The following CNTNAP2 variants were observed in gnomAD, a reference collection of about 807,000 sequenced individuals.
CNTNAP2 encodes contactin-associated protein-like 2.
Under a neutral mutation model 155.2 loss-of-function variants are expected in CNTNAP2, and 98 were observed. The observed-to-expected ratio is 0.63, with a 90% CI of 0.54 to 0.75. The LOEUF (loss-of-function observed/expected upper bound fraction) is 0.75. Ranked by LOEUF, CNTNAP2 falls within the 30% of genes least tolerant of loss-of-function variation. The pLI, the probability that CNTNAP2 is intolerant of heterozygous loss-of-function variation, is 0.00. For missense variants in CNTNAP2, 1,727 were observed against 1,688.1 expected (o/e 1.02, Z -0.40); for synonymous variants, 651 against 631.2 (o/e 1.03, Z -0.47).
At chr7:148,308,968 T>G (rs7792337) in intron 21 of CNTNAP2, among the ~76,000 whole-genome samples, 147,151 of 152,256 alleles carry the variant, frequency 0.97, 71,309 homozygotes, top group East Asian at 1. Flanking sequence ...TCTTTATCCA[T>G]TCTATCATTG....
chr7:146,153,266 A>C (rs1383219619), intron 1 of CNTNAP2, among the ~76,000 whole-genome samples: 1 of 152,168 alleles, frequency 6.6e-6, no homozygotes, highest in Admixed American at 6.6e-5. Context: ...AAAACTAATT[A>C]TCGAGTACAG....
chr7:148,249,826 C>T lies in CNTNAP2; in HGVS notation c.3382-17207C>T, dbSNP rs1267639584. Among the ~76,000 whole-genome samples the T allele has an allele frequency of 4.6e-5, 7 of 152,208 alleles. No homozygotes were observed. In the East Asian group the frequency reaches 9.6e-4, roughly 21 times the overall value. On this transcript the variant is annotated intron_variant, in intron 20 of 23. Coordinates refer to ENST00000361727, the MANE Select transcript of CNTNAP2 (RefSeq NM_014141.6). Reference sequence around the variant, plus strand: ...TACCCTGAAAACATCCAAATTCTGACCAGCCTCCCACCTTGCACATCTGCT... The same window carrying T: ...TACCCTGAAAACATCCAAATTCTGATCAGCCTCCCACCTTGCACATCTGCT...
chr7:146,918,773 T>G (rs895464465), intron 3 of CNTNAP2, among the ~76,000 whole-genome samples: 1 of 152,238 alleles, frequency 6.6e-6, no homozygotes, highest in Non-Finnish European at 1.5e-5. Flanking sequence ...CTCAAATATG[T>G]TTTCCAAACT....
chr7:146,165,116 C>G (rs1006165338), intron 1 of CNTNAP2, among the ~76,000 whole-genome samples: 4 of 152,104 alleles, frequency 2.6e-5, no homozygotes, highest in African/African-American at 9.7e-5. Context: ...GTAGAAAAAT[C>G]TACTGTGATT....
chr7:147,384,429 C>G (rs1796593851), intron 9 of CNTNAP2, among the ~76,000 whole-genome samples: 1 of 152,014 alleles, frequency 6.6e-6, no homozygotes, highest in Admixed American at 6.6e-5. Flanking sequence ...CCTAAATCTG[C>G]CTAAAAGAGA....
chr7:146,958,422 T>G (rs1173204306), intron 3 of CNTNAP2, among the ~76,000 whole-genome samples: 1,957 of 142,358 alleles, frequency 0.014, 60 homozygotes, highest in African/African-American at 0.047. Flanking sequence ...TTTTTTTTTT[T>G]TTTTTTTTTG....
chr7:146,951,774 C>T (rs376206325), intron 3 of CNTNAP2, among the ~76,000 whole-genome samples: 60 of 152,126 alleles, frequency 3.9e-4, no homozygotes, highest in Middle Eastern at 3.4e-3. Flanking sequence ...CTTGACTATA[C>T]GGGCTCTTTT....
intron 1 of CNTNAP2, among the ~76,000 whole-genome samples, chr7:146,479,632 T>G (rs990855620): frequency 6.6e-6 from 1 of 152,008 alleles, no homozygotes; most frequent in Non-Finnish European, 1.5e-5. Context: ...TTTATCAACT[T>G]TATAAACAAA....
chr7:148,018,005 T>C (rs1802209961), intron 15 of CNTNAP2, among the ~76,000 whole-genome samples: 1 of 152,200 alleles, frequency 6.6e-6, no homozygotes, highest in Non-Finnish European at 1.5e-5. Context: ...CGCTTTCTGT[T>C]AAAACTCGCC....
chr7:147,238,973 C>G (rs926468013), intron 8 of CNTNAP2, among the ~76,000 whole-genome samples: 2 of 152,086 alleles, frequency 1.3e-5, no homozygotes, highest in Non-Finnish European at 2.9e-5. Context: ...AGCAACTAAA[C>G]TATACTAAAT....
intron 1 of CNTNAP2, among the ~76,000 whole-genome samples, chr7:146,696,600 T>C (rs1800786290): frequency 6.6e-6 from 1 of 152,130 alleles, no homozygotes; most frequent in African/African-American, 2.4e-5. Context: ...TTTCTCACTT[T>C]CTAAAGCAGA....
chr7:148,352,287 T>C (rs1352996244), intron 21 of CNTNAP2, among the ~76,000 whole-genome samples: 7 of 152,298 alleles, frequency 4.6e-5, no homozygotes, highest in African/African-American at 1.7e-4. Context: ...GAAGATCATT[T>C]AGGAAGCTGT....
intron 21 of CNTNAP2, among the ~76,000 whole-genome samples, chr7:148,278,180 C>G (rs1362675394): frequency 6.6e-6 from 1 of 152,164 alleles, no homozygotes; most frequent in South Asian, 2.1e-4. Flanking sequence ...GCCACGGATA[C>G]AGGGAAGGGT....
chr7:147,705,565 A>G (rs1448213880), intron 13 of CNTNAP2, among the ~76,000 whole-genome samples: 1 of 152,160 alleles, frequency 6.6e-6, no homozygotes, highest in South Asian at 2.1e-4. Flanking sequence ...TGTTAGGTCC[A>G]TTTGGTCAAG....
chr7:147,232,572 C>T (rs187900003), intron 8 of CNTNAP2, among the ~76,000 whole-genome samples: 408 of 152,208 alleles, frequency 2.7e-3, no homozygotes, highest in African/African-American at 9.2e-3. Context: ...ACCAAAAATA[C>T]ACAATGGGGA....
intron 21 of CNTNAP2, among the ~76,000 whole-genome samples, chr7:148,267,798 A>G (rs1459950381): frequency 1.3e-5 from 2 of 152,206 alleles, no homozygotes; most frequent in Non-Finnish European, 2.9e-5. Context: ...AATCTGCTCC[A>G]GGCTTCTCTA....
At chr7:147,978,470 C>G (rs1801469109) in intron 15 of CNTNAP2, among the ~76,000 whole-genome samples, 1 of 152,066 alleles carries the variant, frequency 6.6e-6, no homozygotes, top group Admixed American at 6.6e-5. Flanking sequence ...ATCATCAGAG[C>G]TTGATGGTCC....
intron 16 of CNTNAP2, among the ~76,000 whole-genome samples, chr7:148,131,666 A>G (rs946147998): frequency 6.6e-6 from 1 of 152,208 alleles, no homozygotes; most frequent in Non-Finnish European, 1.5e-5. Flanking sequence ...TTTAAATTAT[A>G]ATAAGGTTAG....
intron 2 of CNTNAP2, among the ~76,000 whole-genome samples, chr7:146,813,763 C>T (rs1463778962): frequency 1.3e-5 from 2 of 152,104 alleles, no homozygotes; most frequent in African/African-American, 4.8e-5. Context: ...TCTGTCTCCA[C>T]CCAAATGTCA....
Sources: allele counts gnomAD v4.1 joint callset (sites outside exome capture counted in the v4.1 genomes callset), GRCh38; gene constraint gnomAD v4.1.1; transcripts MANE v1.5; gene names NCBI Gene and HGNC (gene_info 2026-07-23, HGNC 2026-07-21).